DYNC1I1: variants seen among roughly 807,000 people sequenced by gnomAD.
DYNC1I1 encodes dynein cytoplasmic 1 intermediate chain 1.
DYNC1I1 carries 43 observed loss-of-function variants against 86.6 expected under a neutral mutation model. The ratio of observed to expected loss-of-function variants is 0.50; its 90% CI spans 0.39 to 0.64. DYNC1I1 has a LOEUF of 0.64. Among genes scored for constraint, DYNC1I1 ranks in the 30% least tolerant of loss-of-function variants. The pLI is 0.00. For missense variants in DYNC1I1, 604 were observed against 788.8 expected (o/e 0.77, Z 2.81); for synonymous variants, 262 against 283.7 (o/e 0.92, Z 0.77).
At chr7:95,937,114 T>C (rs918952688) in intron 6 of DYNC1I1, among the ~76,000 whole-genome samples, 1 of 152,008 alleles carries the variant, frequency 6.6e-6, no homozygotes, top group Non-Finnish European at 1.5e-5. Context: ...ATATGTGGAA[T>C]ATATAAAAAT....
At chr7:95,986,996 C>T in intron 8 of DYNC1I1, 60 bp from the exon 9 acceptor site, 1 of 1,494,728 alleles carries the variant, frequency 6.7e-7, no homozygotes, top group Non-Finnish European at 9.3e-7. Context: ...ATCAGTGCTT[C>T]TATATGAGCA....
chr7:95,901,287 T>C (rs1791031102), intron 6 of DYNC1I1, among the ~76,000 whole-genome samples: 1 of 152,206 alleles, frequency 6.6e-6, no homozygotes, highest in Non-Finnish European at 1.5e-5. Flanking sequence ...GCCTGTGAGA[T>C]CTGGGCCAAG....
At chr7:95,857,316 G>C (rs1247463670) in intron 5 of DYNC1I1, among the ~76,000 whole-genome samples, 1 of 152,278 alleles carries the variant, frequency 6.6e-6, no homozygotes, top group Non-Finnish European at 1.5e-5. Context: ...CAAAGAGGTG[G>C]TATTTTGAGG....
At chr7:95,876,863 A>G (rs1413622766) in intron 6 of DYNC1I1, among the ~76,000 whole-genome samples, 1 of 152,206 alleles carries the variant, frequency 6.6e-6, no homozygotes, top group Admixed American at 6.5e-5. Flanking sequence ...TCCCAGTAAA[A>G]TTGGTAAAAA....
At chr7:96,099,783 T>C (rs1033778420), downstream of DYNC1I1, among the ~76,000 whole-genome samples, 1 of 152,168 alleles carries the variant, frequency 6.6e-6, no homozygotes, top group East Asian at 1.9e-4. Context: ...ACATATGAAT[T>C]TGGGAATGAA....
rs796268103 is a variant in DYNC1I1, at chr7:96,052,929, C to A, written c.1509+13508C>A. Among the ~76,000 whole-genome samples, 45 of 152,268 alleles carry A rather than the reference C, an allele frequency of 3.0e-4. 1 individual carries two copies. Among genetic ancestry groups the A allele is most frequent in the African/African-American group, 1.0e-3 (43 of 41,554 alleles). On this transcript the variant is annotated intron_variant, in intron 14 of 16. Transcript: ENST00000447467. Reference sequence around the variant, plus strand: ...CAGTAAGGACATCTTACCTTCTCCTCAGTATTTTGAACAACAGTGATAGTG... The same window carrying A: ...CAGTAAGGACATCTTACCTTCTCCTAAGTATTTTGAACAACAGTGATAGTG...
intron 14 of DYNC1I1, among the ~76,000 whole-genome samples, chr7:96,070,989 C>G (rs1463498640): frequency 6.6e-6 from 1 of 152,166 alleles, no homozygotes; most frequent in Non-Finnish European, 1.5e-5. Flanking sequence ...GAGATCAAGT[C>G]TTATTGTAAA....
At chr7:95,927,880 G>T (rs1390369922) in intron 6 of DYNC1I1, among the ~76,000 whole-genome samples, 2 of 152,074 alleles carry the variant, frequency 1.3e-5, no homozygotes, top group Admixed American at 6.5e-5. Context: ...TGTGGTTCAC[G>T]CTAGTTATTT....
chr7:95,851,409 T>C (rs548529328), intron 5 of DYNC1I1, among the ~76,000 whole-genome samples: 3 of 152,286 alleles, frequency 2.0e-5, no homozygotes, highest in East Asian at 1.9e-4. Context: ...TTAAAACTTA[T>C]GAATTGTTTA....
chr7:96,014,644 T>C (rs1005790726), intron 10 of DYNC1I1, among the ~76,000 whole-genome samples: 1 of 152,140 alleles, frequency 6.6e-6, no homozygotes, highest in Non-Finnish European at 1.5e-5. Flanking sequence ...TGGGGAACTA[T>C]AAGAAATATT....
chr7:95,787,192 C>A (rs1428683233), intron 1 of DYNC1I1, among the ~76,000 whole-genome samples: 3 of 152,200 alleles, frequency 2.0e-5, no homozygotes, highest in Non-Finnish European at 2.9e-5. Context: ...AGAAACCTAA[C>A]TTCCCACTGG....
chr7:95,814,612 G>A (rs1794906476), intron 4 of DYNC1I1, among the ~76,000 whole-genome samples: 1 of 152,130 alleles, frequency 6.6e-6, no homozygotes, highest in African/African-American at 2.4e-5. Context: ...TTTGGTAGCT[G>A]AAGATCTGGA....
chr7:95,852,174 C>G (rs924049958), intron 5 of DYNC1I1, among the ~76,000 whole-genome samples: 3 of 152,070 alleles, frequency 2.0e-5, no homozygotes, highest in African/African-American at 7.2e-5. Flanking sequence ...ATTACTGATT[C>G]AATCTCCTTA....
intron 15 of DYNC1I1, among the ~76,000 whole-genome samples, chr7:96,077,038 C>T (rs1276454663): frequency 6.6e-6 from 1 of 152,078 alleles, no homozygotes; most frequent in Non-Finnish European, 1.5e-5. Context: ...ATGGTCTCTG[C>T]ATCACTTCTT....
intron 6 of DYNC1I1, among the ~76,000 whole-genome samples, 171 bp downstream of exon 6, chr7:95,870,169 G>A (rs999177340): frequency 6.6e-6 from 1 of 152,134 alleles, no homozygotes; most frequent in African/African-American, 2.4e-5. Context: ...GAGGGAACTC[G>A]GTGATACTCT....
At chr7:95,986,925 G>A in intron 8 of DYNC1I1, 131 bp from the exon 9 acceptor site, 1 of 747,740 alleles carries the variant, frequency 1.3e-6, no homozygotes, top group Non-Finnish European at 2.3e-6. Flanking sequence ...TTTTGATCAG[G>A]GTATGTAGTC....
rs1350328718 is a variant in DYNC1I1, at chr7:95,961,418, GT to G, written c.491-16088del. ...GAAAATAATAATTTCCACTTACCTAGTTTTTTATTTAATTTGCTGAACAACA... is the reference window on the plus strand; with the variant it reads ...GAAAATAATAATTTCCACTTACCTAGTTTTTATTTAATTTGCTGAACAACA... On this transcript the variant is annotated intron_variant, in intron 6 of 16. Coordinates refer to ENST00000447467, the MANE Select transcript of DYNC1I1 (RefSeq NM_001135556.2). Among the ~76,000 whole-genome samples, 4 of 152,274 alleles carry G rather than the reference GT, an allele frequency of 2.6e-5. No individual in the cohort carries two copies. The East Asian group carries it at 7.7e-4, about 29-fold the overall frequency.
chr7:96,089,082 T>G (rs890006667), intron 16 of DYNC1I1, among the ~76,000 whole-genome samples: 1 of 151,080 alleles, frequency 6.6e-6, no homozygotes. Flanking sequence ...GTCCCTTAGA[T>G]AGAAAGTGAA....
At chr7:95,948,570 A>G (rs1792467485) in intron 6 of DYNC1I1, among the ~76,000 whole-genome samples, 1 of 152,198 alleles carries the variant, frequency 6.6e-6, no homozygotes, top group South Asian at 2.1e-4. Flanking sequence ...CAGAAAGGAA[A>G]TAAGTCAGAG....
Sources: gnomAD v4.1 joint callset for allele counts (sites outside exome capture counted in the v4.1 genomes callset) on GRCh38, gnomAD v4.1.1 for gene constraint, MANE v1.5 for transcripts, NCBI Gene and HGNC (gene_info 2026-07-23, HGNC 2026-07-21) for gene names.